Variants in ASH1L observed in about 807,000 individuals in gnomAD.
ASH1L encodes the protein histone-lysine N-methyltransferase ASH1L.
In ASH1L, 23 loss-of-function variants were observed where a neutral mutation model predicts 269.0. The observed-to-expected ratio is 0.09, with a 90% CI of 0.06 to 0.12. The LOEUF is 0.12. Among genes scored for constraint, ASH1L ranks in the 10% least tolerant of loss-of-function variants. The probability of loss-of-function intolerance (pLI) is 1.00; values close to 1 mark genes in which losing one functional copy is unlikely to be tolerated. For synonymous variants in ASH1L, 1,187 were observed against 1,253.5 expected, an observed-to-expected ratio of 0.95 and a Z score of 1.12; for missense variants, 2,912 against 3,567.8, an observed-to-expected ratio of 0.82 and a Z score of 4.68.
chr1:155,480,419 A>G lies in ASH1L; in HGVS notation c.2451T>C (p.Ser817=). The G allele has an allele frequency of 6.2e-7, 1 of 1,614,142 alleles. No homozygotes were observed. ...GCTTATAAATATCAGACAAAAGGTC[A>G]CTAGAGACACACATACTGGAGGATA... is the stretch of plus-strand genomic sequence containing the variant. The part of the protein sequence containing the change: ...HKLSSSMCVS[S]DLLSDIYKPK... The change falls in exon 3 of 28, where the codon AGT becomes AGC. Residue 817 remains serine, a synonymous_variant. Transcript: ENST00000392403.
intron 2 of ASH1L, among the ~76,000 whole-genome samples, chr1:155,510,863 A>G (rs1054071598): frequency 4.6e-5 from 7 of 152,164 alleles, no homozygotes; most frequent in African/African-American, 1.7e-4. Flanking sequence ...GTAAACATAT[A>G]CAGAACAAAA....
At chr1:155,445,878 G>C (rs1319234958) in intron 4 of ASH1L, among the ~76,000 whole-genome samples, 1 of 151,684 alleles carries the variant, frequency 6.6e-6, no homozygotes, top group Non-Finnish European at 1.5e-5. Context: ...GTGTGTGTTT[G>C]TGTGTGTGTA....
chr1:155,554,827 CAAAT>C (rs1671471601), intron 1 of ASH1L, among the ~76,000 whole-genome samples: 1 of 152,046 alleles, frequency 6.6e-6, no homozygotes, highest in African/African-American at 2.4e-5. Flanking sequence ...ACAAAACAAA[CAAAT>C]GAATGGCTTG....
intron 2 of ASH1L, among the ~76,000 whole-genome samples, chr1:155,489,314 A>C (rs1666581100): frequency 6.6e-6 from 1 of 151,890 alleles, no homozygotes; most frequent in South Asian, 2.1e-4. Flanking sequence ...TCTACTAAAA[A>C]TACAAAAAAA....
chr1:155,494,861 G>A (rs1437696730), intron 2 of ASH1L, among the ~76,000 whole-genome samples: 1 of 151,870 alleles, frequency 6.6e-6, no homozygotes, highest in African/African-American at 2.4e-5. Flanking sequence ...AGTAAACTAA[G>A]GACTGATAAC....
At chr1:155,508,738 C>T (rs1667978594) in intron 2 of ASH1L, among the ~76,000 whole-genome samples, 3 of 152,182 alleles carry the variant, frequency 2.0e-5, no homozygotes, top group South Asian at 4.1e-4. Context: ...GAAGAGTCTT[C>T]TATTACAACA....
chr1:155,492,011 A>T (rs1444105099), intron 2 of ASH1L, among the ~76,000 whole-genome samples: 2 of 146,366 alleles, frequency 1.4e-5, no homozygotes, highest in East Asian at 4.1e-4. Flanking sequence ...TTCCAGCCTA[A>T]GGTGGAATAT....
intron 6 of ASH1L, among the ~76,000 whole-genome samples, chr1:155,403,296 G>C (rs1439738225): frequency 6.6e-6 from 1 of 151,910 alleles, no homozygotes; most frequent in Non-Finnish European, 1.5e-5. Context: ...ACCAGCCTAG[G>C]CAATGGAGTG....
Position 155,357,308 on chromosome 1 carries a change from CT to C in ASH1L, c.7055+7del. The C allele has an allele frequency of 6.2e-7, 1 of 1,606,658 alleles. No individual in the cohort carries two copies. Among genetic ancestry groups the C allele is most frequent in the Non-Finnish European group, 8.5e-7 (1 of 1,174,104 alleles). ...CAAAGAACATGGATAAGGATATTTC[CT>C]TTTTACCTTTCACGATTGGACATTG... On this transcript the variant is annotated splice_region_variant and intron_variant, in intron 15 of 27. Coordinates refer to ENST00000392403, the MANE Select transcript of ASH1L (RefSeq NM_018489.3).
chr1:155,471,981 T>C (rs1173615204), intron 3 of ASH1L, among the ~76,000 whole-genome samples: 1 of 152,184 alleles, frequency 6.6e-6, no homozygotes, highest in Non-Finnish European at 1.5e-5. Context: ...TTGTGGTTTC[T>C]GTATGTTATT....
intron 1 of ASH1L, among the ~76,000 whole-genome samples, chr1:155,556,352 G>A (rs771311125): frequency 5.9e-5 from 9 of 151,964 alleles, no homozygotes. Flanking sequence ...GGGCAACACA[G>A]CCAGACCCCA....
intron 4 of ASH1L, among the ~76,000 whole-genome samples, chr1:155,447,825 A>G (rs1663150232): frequency 6.6e-6 from 1 of 151,980 alleles, no homozygotes; most frequent in Admixed American, 6.6e-5. Context: ...TCTTCACTTT[A>G]TTGATTGTAT....
In ASH1L at chr1:155,478,991, T is replaced by C; in HGVS notation, c.3879A>G (p.Glu1293=). 6.2e-7 allele frequency: 1 copy of C among 1,613,664 alleles called. No individual in the cohort carries two copies. The highest frequency in any genetic ancestry group is 8.5e-7 in the Non-Finnish European group (1 of 1,180,022). ...GAATTTCACTTAGGCGACTTATTAG[T>C]TCCTCCAGCTCTGCAATAAAGTCTG... ...QDPDFIAELE[E]LISRLSEIRI... is the part of the protein sequence containing the mutation. Residue 1293 remains glutamate, a synonymous_variant, in exon 3 of 28, where the codon GAA becomes GAG. Coordinates refer to ENST00000392403, the MANE Select transcript of ASH1L (RefSeq NM_018489.3). The surrounding 1 kb of genome is among the most constrained non-coding windows in gnomAD (Gnocchi z 4.6).
At position 155,387,219 on chromosome 1, in the gene ASH1L, G is replaced by A. The variant is rs145564758; in HGVS notation, c.6104-7103C>T. On this transcript the variant is annotated intron_variant, in intron 7 of 27. Coordinates refer to ENST00000392403, the MANE Select transcript of ASH1L (RefSeq NM_018489.3). The stretch of plus-strand genomic sequence containing the variant: ...GAACTGCTGGCCTCAAGTGATCCAC[G>A]TGCCTCAGCCTCCCAAAGTGCTGGG... 7.9e-5 allele frequency among the ~76,000 whole-genome samples: 12 copies of A among 151,594 alleles called. No individual in the cohort carries two copies. In the South Asian group the frequency reaches 1.9e-3, roughly 24 times the overall value.
chr1:155,408,961 GA>G (rs1484547694), intron 6 of ASH1L, among the ~76,000 whole-genome samples: 1 of 152,000 alleles, frequency 6.6e-6, no homozygotes, highest in Non-Finnish European at 1.5e-5. Context: ...AAAAAAAAGA[GA>G]AGCTCATCTT....
intron 4 of ASH1L, among the ~76,000 whole-genome samples, chr1:155,439,879 T>A (rs184139151): frequency 2.0e-4 from 30 of 151,808 alleles, no homozygotes; most frequent in Non-Finnish European, 5.9e-5. Context: ...TCCAATATCA[T>A]CAGACTGTGG....
intron 25 of ASH1L, among the ~76,000 whole-genome samples, chr1:155,340,865 G>A (rs1470163812): frequency 2.0e-5 from 3 of 151,408 alleles, no homozygotes; most frequent in Non-Finnish European, 4.4e-5. Context: ...AAACTCCTGG[G>A]CTCAAGTGAT....
intron 3 of ASH1L, among the ~76,000 whole-genome samples, chr1:155,461,380 CGTT>C (rs35202668): frequency 0.26 from 39,487 of 151,772 alleles, 5,865 homozygotes; most frequent in East Asian, 0.72. Flanking sequence ...AAGAGTAACA[CGTT>C]AAATTTTTTT....
intron 20 of ASH1L, 27 bp downstream of exon 20, chr1:155,347,629 G>A: frequency 1.2e-6 from 2 of 1,611,950 alleles, no homozygotes; most frequent in Non-Finnish European, 1.7e-6. Flanking sequence ...TCAGGACCAA[G>A]CTTCTGCTTC....
Sources: allele counts gnomAD v4.1 joint callset (sites outside exome capture counted in the v4.1 genomes callset), GRCh38; gene constraint gnomAD v4.1.1; non-coding constraint Gnocchi (gnomAD v3.1); transcripts MANE v1.5; gene names NCBI Gene and HGNC (gene_info 2026-07-23, HGNC 2026-07-21).